Variants in TTC28 observed in about 807,000 individuals in gnomAD.
TTC28 encodes the protein tetratricopeptide repeat domain 28.
Under a neutral mutation model 198.0 loss-of-function variants are expected in TTC28, and 61 were observed. That is an observed-to-expected ratio of 0.31 (90% CI 0.25 to 0.38). The LOEUF is 0.38. Ranked by LOEUF, TTC28 falls within the 10% of genes least tolerant of loss-of-function variation. The pLI is 1.00. For synonymous variants in TTC28, 1,171 were observed against 1,297.8 expected (o/e 0.90, Z 2.10); for missense variants, 2,678 against 3,164.0 (o/e 0.85, Z 3.69).
At chr22:27,985,543 C>G in intron 21 of TTC28, 187 bp from the exon 22 acceptor site, 1 of 493,370 alleles carries the variant, frequency 2.0e-6, no homozygotes. Flanking sequence ...CGGGCTGCCC[C>G]ACCCAGAACA....
chr22:28,257,739 C>CATATATGTATATATATATAT (rs1931032728), intron 5 of TTC28, among the ~76,000 whole-genome samples: 1 of 96,602 alleles, frequency 1.0e-5, no homozygotes, highest in African/African-American at 4.7e-5. Context: ...GGTAATAGAA[C>CATATATGTATATATATATAT]ATATATATAT....
chr22:28,186,988 C>T (rs1220738498), intron 5 of TTC28, among the ~76,000 whole-genome samples: 2 of 152,048 alleles, frequency 1.3e-5, no homozygotes, highest in African/African-American at 4.8e-5. Context: ...GCTTATTTTA[C>T]CTAATTTTAT....
intron 2 of TTC28, among the ~76,000 whole-genome samples, chr22:28,528,943 G>C (rs1371424863): frequency 6.6e-6 from 1 of 151,872 alleles, no homozygotes; most frequent in Non-Finnish European, 1.5e-5. Context: ...TAAAAGAATG[G>C]GGAGGTTCCA....
intron 2 of TTC28, among the ~76,000 whole-genome samples, chr22:28,310,300 C>T (rs2045234174): frequency 1.3e-5 from 2 of 152,156 alleles, no homozygotes; most frequent in African/African-American, 2.4e-5. Flanking sequence ...TGTAAAATTT[C>T]AGAGGTAACA....
chr22:28,379,302 G>C (rs1367633068), intron 2 of TTC28, among the ~76,000 whole-genome samples: 1 of 152,108 alleles, frequency 6.6e-6, no homozygotes, highest in Non-Finnish European at 1.5e-5. Context: ...ACTGAAAGCA[G>C]GGACTCAGAC....
Position 27,980,158 on chromosome 22 carries a change from G to C in TTC28, c.*2063C>G, listed in dbSNP as rs1936964923. The C allele has an allele frequency of 6.6e-6, 1 of 152,212 alleles. No homozygotes were observed. Among genetic ancestry groups the C allele is most frequent in the Non-Finnish European group, 1.5e-5 (1 of 68,048 alleles). 9.4% of individuals were successfully genotyped at this position (152,212 alleles called of 1,614,324 possible). A position where few individuals can be genotyped will look rare whatever the true frequency, so the allele number is the denominator to read the frequency against. On this transcript the variant is annotated 3_prime_UTR_variant, in exon 23 of 23. Coordinates refer to ENST00000397906, the MANE Select transcript of TTC28 (RefSeq NM_001145418.2). ...AGGCTGAGAGATTTGCTAAGAGAGG[G>C]ACAGCCTAACCATCTGCATATGGAT...
At chr22:28,443,388 T>C (rs1215266015) in intron 2 of TTC28, among the ~76,000 whole-genome samples, 1 of 152,224 alleles carries the variant, frequency 6.6e-6, no homozygotes, top group Admixed American at 6.5e-5. Context: ...ATTCCCACAA[T>C]TCTGGGTGTA....
At chr22:28,542,302 A>C (rs1601542206) in intron 2 of TTC28, among the ~76,000 whole-genome samples, 1 of 152,354 alleles carries the variant, frequency 6.6e-6, no homozygotes, top group East Asian at 1.9e-4. Context: ...ATAGAGCATC[A>C]GCGGCCAATG....
chr22:28,119,029 T>G (rs1942714360), intron 6 of TTC28, among the ~76,000 whole-genome samples: 1 of 152,232 alleles, frequency 6.6e-6, no homozygotes. Flanking sequence ...TCAACTTTGC[T>G]GCCTAAGCTC....
At chr22:28,525,798 C>A (rs1229043672) in intron 2 of TTC28, among the ~76,000 whole-genome samples, 3 of 152,144 alleles carry the variant, frequency 2.0e-5, no homozygotes, top group Non-Finnish European at 4.4e-5. Flanking sequence ...TAAGAATCAA[C>A]TGACCTATTA....
intron 1 of TTC28, among the ~76,000 whole-genome samples, chr22:28,658,112 C>T (rs2051689118): frequency 6.6e-6 from 1 of 152,108 alleles, no homozygotes. Flanking sequence ...TGTTAAAATA[C>T]TTATGCATCT....
intron 2 of TTC28, among the ~76,000 whole-genome samples, chr22:28,616,617 C>A (rs1230762720): frequency 6.6e-6 from 1 of 152,074 alleles, no homozygotes; most frequent in African/African-American, 2.4e-5. Flanking sequence ...TTTGGGAGGC[C>A]AAGGCAAGTG....
In TTC28 at chr22:27,993,275, C is replaced by A. The variant is rs1937480880; in HGVS notation, c.5476+12G>T. On this transcript the variant is annotated intron_variant, in intron 18 of 22. Coordinates refer to ENST00000397906, the MANE Select transcript of TTC28 (RefSeq NM_001145418.2). ...CCAGGCCTGTTGCCCCAGCCCTACA[C>A]CCACAGCTCACCCAGCAGGGACTGG... 6.6e-7 allele frequency: 1 copy of A among 1,515,388 alleles called. No individual in the cohort carries two copies. The highest frequency in any genetic ancestry group is 2.0e-5 in the Admixed American group (1 of 48,986). The allele number at this position is 1,515,388 out of a possible 1,614,324, so 93.9% of individuals were successfully genotyped here. A position where few individuals can be genotyped will look rare whatever the true frequency, so the allele number is the denominator to read the frequency against.
intron 5 of TTC28, among the ~76,000 whole-genome samples, chr22:28,249,572 T>C (rs1306075122): frequency 2.0e-5 from 3 of 152,146 alleles, no homozygotes; most frequent in Non-Finnish European, 4.4e-5. Flanking sequence ...TGTCTTGCAA[T>C]CTCTAGTAGC....
intron 5 of TTC28, among the ~76,000 whole-genome samples, chr22:28,279,024 A>G (rs971411347): frequency 3.3e-5 from 5 of 152,208 alleles, no homozygotes; most frequent in African/African-American, 9.6e-5. Flanking sequence ...TCGAATCACT[A>G]GAATTACTGC....
At chr22:28,640,178 G>C (rs1414057166) in intron 1 of TTC28, among the ~76,000 whole-genome samples, 1 of 151,446 alleles carries the variant, frequency 6.6e-6, no homozygotes, top group Non-Finnish European at 1.5e-5. Context: ...AGGATCACTT[G>C]AGCCTAAGGA....
intron 5 of TTC28, among the ~76,000 whole-genome samples, chr22:28,170,367 T>C (rs924188606): frequency 2.0e-5 from 3 of 151,526 alleles, no homozygotes; most frequent in Non-Finnish European, 2.9e-5. Flanking sequence ...CGGGCACCTG[T>C]AGTCCCACCT....
intron 13 of TTC28, among the ~76,000 whole-genome samples, chr22:28,018,432 G>A (rs997739034): frequency 1.3e-5 from 2 of 152,214 alleles, no homozygotes; most frequent in African/African-American, 4.8e-5. Flanking sequence ...CGTGATTTGA[G>A]GTCAAAGTAA....
At chr22:28,243,624 T>TA (rs1929857731) in intron 5 of TTC28, among the ~76,000 whole-genome samples, 1 of 152,084 alleles carries the variant, frequency 6.6e-6, no homozygotes, top group African/African-American at 2.4e-5. Flanking sequence ...GCGAAATTCT[T>TA]AAGAGTTTGA....
Sources: allele counts gnomAD v4.1 joint callset (sites outside exome capture counted in the v4.1 genomes callset), GRCh38; gene constraint gnomAD v4.1.1; transcripts MANE v1.5; gene names NCBI Gene and HGNC (gene_info 2026-07-23, HGNC 2026-07-21).